The following CNTLN variants were observed in gnomAD, a reference collection of about 807,000 sequenced individuals.
CNTLN encodes centlein, centrosomal protein.
CNTLN carries 212 observed loss-of-function variants against 180.0 expected under a neutral mutation model. That is an observed-to-expected ratio of 1.18 (90% CI 1.05 to 1.32). The LOEUF (loss-of-function observed/expected upper bound fraction) is 1.32, where lower values mean the gene tolerates loss of function less well. Among genes scored for constraint, CNTLN ranks in the 40% most tolerant of loss-of-function variants. CNTLN has a pLI of 0.00. For synonymous variants in CNTLN, 722 were observed against 563.1 expected (o/e 1.28, Z -3.99); for missense variants, 2,095 against 1,610.9 (o/e 1.30, Z -5.14).
At chr9:17,148,053 T>A (rs1431525285) in intron 2 of CNTLN, among the ~76,000 whole-genome samples, 1 of 152,158 alleles carries the variant, frequency 6.6e-6, no homozygotes, top group Non-Finnish European at 1.5e-5. Context: ...TACTTTTTAT[T>A]ATGGAGAAAT....
chr9:17,226,337 G>T lies in CNTLN; in HGVS notation c.534+50G>T, dbSNP rs559019374. 22 of 988,576 alleles carry T rather than the reference G, an allele frequency of 2.2e-5. No homozygotes were observed. The Admixed American group carries it at 6.3e-4, about 28-fold the overall frequency. 61.2% of individuals were successfully genotyped at this position (988,576 alleles called of 1,614,324 possible). On this transcript the variant is annotated intron_variant, in intron 3 of 25. Coordinates refer to ENST00000380647, the MANE Select transcript of CNTLN (RefSeq NM_017738.4). ...AAATTAACTATATTTGTTTTGGGTA[G>T]TAGATCTTCAAAATTATTTTTATTT... is the stretch of plus-strand genomic sequence containing the variant.
intron 10 of CNTLN, among the ~76,000 whole-genome samples, chr9:17,339,952 G>A (rs1008410112): frequency 3.9e-5 from 6 of 151,996 alleles, no homozygotes; most frequent in East Asian, 1.9e-4. Context: ...CCAGGAGTTC[G>A]AGACCAGCCT....
At position 17,268,350 on chromosome 9, in the gene CNTLN, G is replaced by A. The variant is rs146797371; in HGVS notation, c.850-5383G>A. Among the ~76,000 whole-genome samples the A allele has an allele frequency of 1.3e-3, 198 of 152,196 alleles. 3 individuals are homozygous for A. The East Asian group carries it at 0.038, about 29-fold the overall frequency. On this transcript the variant is annotated intron_variant, in intron 5 of 25. Coordinates refer to ENST00000380647, the MANE Select transcript of CNTLN (RefSeq NM_017738.4). ...TCAGCAGCGGTGGCTTTAGAATAGC[G>A]GATATTGGTGACCCGCAAATGCTGC...
chr9:17,268,740 G>C (rs1394970634), intron 5 of CNTLN, among the ~76,000 whole-genome samples: 2 of 152,068 alleles, frequency 1.3e-5, no homozygotes, highest in African/African-American at 4.8e-5. Flanking sequence ...CCTGGGCAAT[G>C]GCAGGCACTC....
intron 23 of CNTLN, among the ~76,000 whole-genome samples, chr9:17,468,573 T>C (rs1831880759): frequency 6.6e-6 from 1 of 151,576 alleles, no homozygotes; most frequent in Non-Finnish European, 1.5e-5. Context: ...AAAATGCTAA[T>C]CATTGTTTTT....
chr9:17,278,048 C>T (rs1410837759), intron 6 of CNTLN, among the ~76,000 whole-genome samples: 1 of 152,074 alleles, frequency 6.6e-6, no homozygotes, highest in South Asian at 2.1e-4. Context: ...AGACCAATAA[C>T]CTTAGACAGA....
At chr9:17,424,827 T>C (rs1392772846) in intron 18 of CNTLN, among the ~76,000 whole-genome samples, 1 of 152,140 alleles carries the variant, frequency 6.6e-6, no homozygotes, top group Non-Finnish European at 1.5e-5. Context: ...CTCTCTGCCA[T>C]GTCATGACCT....
In CNTLN at chr9:17,342,468, G is replaced by A. The variant is rs77274339; in HGVS notation, c.1886+24G>A. ...AAGTGAGTTTCATTTTTAACAATAT[G>A]GACTTAGATAAAATACTTGGGAGAA... On this transcript the variant is annotated intron_variant, in intron 12 of 25. Transcript: ENST00000380647. 5,117 of 1,573,996 alleles carry A rather than the reference G, an allele frequency of 3.3e-3. 142 individuals carry two copies. The African/African-American group carries it at 0.063, about 19-fold the overall frequency.
rs551384793 is a variant in CNTLN at position 17,379,390 on chromosome 9, A to T, written c.1988-8772A>T. On this transcript the variant is annotated intron_variant, in intron 13 of 25. Coordinates refer to ENST00000380647, the MANE Select transcript of CNTLN (RefSeq NM_017738.4). Reference sequence around the variant, plus strand: ...CTGTATCTGAGTAGATCTCTCCTCTATGACACTTTGCCCTGCAAACTCTAG... The same window carrying T: ...CTGTATCTGAGTAGATCTCTCCTCTTTGACACTTTGCCCTGCAAACTCTAG... Among the ~76,000 whole-genome samples, 35 of 150,020 alleles carry T rather than the reference A, an allele frequency of 2.3e-4. 1 individual carries two copies. The South Asian group carries it at 7.4e-3, about 32-fold the overall frequency.
At chr9:17,491,558 G>A (rs548524154) in intron 25 of CNTLN, among the ~76,000 whole-genome samples, 6 of 151,990 alleles carry the variant, frequency 3.9e-5, no homozygotes, top group Non-Finnish European at 8.8e-5. Context: ...TTTATGGTGT[G>A]TTGCTTTATT....
chr9:17,258,194 A>T (rs1395841983), intron 5 of CNTLN, among the ~76,000 whole-genome samples: 1 of 146,498 alleles, frequency 6.8e-6, no homozygotes, highest in Non-Finnish European at 1.5e-5. Context: ...CTTTCTACAT[A>T]TGGCTAGCCA....
intron 5 of CNTLN, 117 bp downstream of exon 5, chr9:17,236,705 C>A: frequency 1.4e-6 from 1 of 722,548 alleles, no homozygotes; most frequent in Non-Finnish European, 2.1e-6. Flanking sequence ...TGGGGACTAG[C>A]ATTAATTTAT....
intron 18 of CNTLN, among the ~76,000 whole-genome samples, chr9:17,433,968 C>T (rs1336265809): frequency 6.6e-6 from 1 of 152,042 alleles, no homozygotes; most frequent in Non-Finnish European, 1.5e-5. Context: ...CCCCAATTTA[C>T]TCTGTTGATA....
chr9:17,413,899 A>T (rs1273540934), intron 16 of CNTLN, among the ~76,000 whole-genome samples: 1 of 152,204 alleles, frequency 6.6e-6, no homozygotes, highest in Admixed American at 6.5e-5. Context: ...TACCAAAAAA[A>T]CTTGTACATG....
rs73420220 is a variant in CNTLN at position 17,295,364 on chromosome 9, C to T, written c.984-2826C>T. ...TGGCGCGGAGAGCGAGCCACGACTG[C>T]GAGGGCTGCCAGCACACTGGCACCT... On this transcript the variant is annotated intron_variant, in intron 6 of 25. Transcript: ENST00000380647. Among the ~76,000 whole-genome samples, 98 of 152,320 alleles carry T rather than the reference C, an allele frequency of 6.4e-4. 3 individuals carry two copies. The highest frequency in any genetic ancestry group is 2.1e-4 in the South Asian group (1 of 4,830).
chr9:17,351,208 C>G (rs1347462956), intron 12 of CNTLN, among the ~76,000 whole-genome samples: 1 of 152,178 alleles, frequency 6.6e-6, no homozygotes, highest in Non-Finnish European at 1.5e-5. Flanking sequence ...CTGAAATCAG[C>G]TGTTTACTGT....
chr9:17,455,722 AGTGGC>A (rs1333308854), intron 18 of CNTLN, among the ~76,000 whole-genome samples: 1 of 148,808 alleles, frequency 6.7e-6, no homozygotes, highest in African/African-American at 2.6e-5. Context: ...AGGTTTGGGG[AGTGGC>A]AGGCAGGTTT....
At chr9:17,324,265 A>G (rs867150145) in intron 8 of CNTLN, among the ~76,000 whole-genome samples, 3 of 152,306 alleles carry the variant, frequency 2.0e-5, no homozygotes, top group African/African-American at 7.2e-5. Flanking sequence ...TGAATTTTAG[A>G]AATTCATTTT....
At chr9:17,295,172 A>G (rs927137573) in intron 6 of CNTLN, among the ~76,000 whole-genome samples, 1 of 151,850 alleles carries the variant, frequency 6.6e-6, no homozygotes, top group Admixed American at 6.5e-5. Flanking sequence ...GCTGGCCCGC[A>G]GGCGCTGCAC....
Sources: gnomAD v4.1 joint callset for allele counts (sites outside exome capture counted in the v4.1 genomes callset) on GRCh38, gnomAD v4.1.1 for gene constraint, MANE v1.5 for transcripts, NCBI Gene and HGNC (gene_info 2026-07-23, HGNC 2026-07-21) for gene names.